ATP8B4: variants seen among roughly 807,000 people sequenced by gnomAD.
ATP8B4 encodes probable phospholipid-transporting ATPase IM.
In ATP8B4, 133 loss-of-function variants were observed where a neutral mutation model predicts 145.6. The ratio of observed to expected loss-of-function variants is 0.91; its 90% CI spans 0.79 to 1.05. The LOEUF is 1.05. Among genes scored for constraint, ATP8B4 ranks in the 50% least tolerant of loss-of-function variants. The probability of loss-of-function intolerance (pLI) is 0.00; values close to 1 mark genes in which losing one functional copy is unlikely to be tolerated. For missense variants in ATP8B4, 1,458 were observed against 1,425.2 expected, an observed-to-expected ratio of 1.02 and a Z score of -0.37; for synonymous variants, 507 against 492.9, an observed-to-expected ratio of 1.03 and a Z score of -0.38.
At chr15:50,084,788 C>T (rs1388954619) in intron 2 of ATP8B4, among the ~76,000 whole-genome samples, 1 of 152,270 alleles carries the variant, frequency 6.6e-6, no homozygotes, top group Non-Finnish European at 1.5e-5. Flanking sequence ...TGGCCCACAG[C>T]AGTCCAACCT....
At chr15:50,167,772 A>G (rs2044615438) in intron 1 of ATP8B4, among the ~76,000 whole-genome samples, 1 of 152,214 alleles carries the variant, frequency 6.6e-6, no homozygotes, top group Non-Finnish European at 1.5e-5. Flanking sequence ...CCTGAGTTTC[A>G]ATTCCCTTAC....
intron 5 of ATP8B4, among the ~76,000 whole-genome samples, chr15:50,042,846 CA>C (rs1725107183): frequency 6.6e-6 from 1 of 151,806 alleles, no homozygotes; most frequent in Non-Finnish European, 1.5e-5. Context: ...GATGGAATCA[CA>C]AAAAACACTC....
At chr15:50,092,247 A>G (rs2055658656) in intron 2 of ATP8B4, among the ~76,000 whole-genome samples, 3 of 152,148 alleles carry the variant, frequency 2.0e-5, no homozygotes, top group South Asian at 4.1e-4. Context: ...GGATCAAGAC[A>G]ATCTGCTCCT....
chr15:50,169,107 G>A (rs956900387), intron 1 of ATP8B4, among the ~76,000 whole-genome samples: 2 of 152,160 alleles, frequency 1.3e-5, no homozygotes, highest in African/African-American at 4.8e-5. Flanking sequence ...TCTGGTAGTG[G>A]AAGAAAAACG....
intron 6 of ATP8B4, among the ~76,000 whole-genome samples, chr15:50,037,772 C>A (rs575381938): frequency 6.6e-6 from 1 of 152,294 alleles, no homozygotes; most frequent in East Asian, 1.9e-4. Context: ...ATGGTTTTAA[C>A]TTAAGATCAT....
At chr15:50,091,030 T>A (rs2055577052) in intron 2 of ATP8B4, among the ~76,000 whole-genome samples, 2 of 152,138 alleles carry the variant, frequency 1.3e-5, no homozygotes, top group African/African-American at 4.8e-5. Flanking sequence ...TAGGTGCTTT[T>A]AAAAAAAAGA....
intron 6 of ATP8B4, among the ~76,000 whole-genome samples, chr15:50,028,628 C>T (rs2050187706): frequency 6.6e-6 from 1 of 152,144 alleles, no homozygotes; most frequent in Non-Finnish European, 1.5e-5. Flanking sequence ...TATCCTGTAC[C>T]ATATACATAT....
At chr15:50,011,611 T>C (rs552595323) in intron 6 of ATP8B4, among the ~76,000 whole-genome samples, 3 of 152,166 alleles carry the variant, frequency 2.0e-5, no homozygotes, top group Non-Finnish European at 2.9e-5. Context: ...AAGGGGTTTA[T>C]TATGAAAAGC....
chr15:50,041,294 T>C (rs758270148), intron 5 of ATP8B4, among the ~76,000 whole-genome samples: 5 of 152,254 alleles, frequency 3.3e-5, no homozygotes, highest in Admixed American at 6.5e-5. Flanking sequence ...CTGGAGCTCA[T>C]AGCCCGTTCC....
At chr15:50,030,984 C>T (rs931816641) in intron 6 of ATP8B4, among the ~76,000 whole-genome samples, 4 of 152,204 alleles carry the variant, frequency 2.6e-5, no homozygotes, top group African/African-American at 9.7e-5. Flanking sequence ...CAAAGGAACC[C>T]TTCCATCTGC....
intron 3 of ATP8B4, among the ~76,000 whole-genome samples, chr15:50,050,890 G>C (rs1485166675): frequency 1.3e-5 from 2 of 152,122 alleles, no homozygotes; most frequent in Non-Finnish European, 2.9e-5. Context: ...AATATGCCCA[G>C]AATAATATTT....
chr15:50,018,491 A>T (rs1229012550), intron 6 of ATP8B4, among the ~76,000 whole-genome samples: 1 of 152,216 alleles, frequency 6.6e-6, no homozygotes, highest in Non-Finnish European at 1.5e-5. Context: ...TGGCTCTTAA[A>T]TAACCACAAC....
chr15:50,123,591 A>G (rs1286118201), upstream of ATP8B4, among the ~76,000 whole-genome samples: 1 of 152,128 alleles, frequency 6.6e-6, no homozygotes, highest in African/African-American at 2.4e-5. Context: ...CCCTACCCAC[A>G]AAATTATCCT....
At position 49,911,511 on chromosome 15, in the gene ATP8B4, C is replaced by A. The variant is rs183550120; in HGVS notation, c.2141+5423G>T. Among the ~76,000 whole-genome samples, 463 of 152,008 alleles carry A rather than the reference C, an allele frequency of 3.0e-3. 1 individual carries two copies. The highest frequency in any genetic ancestry group is 0.011 in the African/African-American group (451 of 41,464). On this transcript the variant is annotated intron_variant, in intron 20 of 27. Coordinates refer to ENST00000284509, the MANE Select transcript of ATP8B4 (RefSeq NM_024837.4). The stretch of plus-strand genomic sequence containing the variant: ...TTACAATTCTAAATATATATTCACC[C>A]AACACTGAAGTACCCAGATATATAA...
chr15:50,149,300 T>G (rs911405380), intron 1 of ATP8B4, among the ~76,000 whole-genome samples: 1 of 152,204 alleles, frequency 6.6e-6, no homozygotes, highest in Non-Finnish European at 1.5e-5. Flanking sequence ...GAGTAAGCTA[T>G]AGGCCAGAAG....
chr15:50,104,719 C>T (rs1392282033), intron 2 of ATP8B4, among the ~76,000 whole-genome samples: 1 of 152,084 alleles, frequency 6.6e-6, no homozygotes, highest in African/African-American at 2.4e-5. Flanking sequence ...AATCCCACTC[C>T]TGGGTATCTA....
At chr15:50,040,158 T>C (rs1282890527) in intron 5 of ATP8B4, among the ~76,000 whole-genome samples, 1 of 152,228 alleles carries the variant, frequency 6.6e-6, no homozygotes, top group Non-Finnish European at 1.5e-5. Context: ...CCCTGCCCTG[T>C]GGCTTCTGGT....
intron 6 of ATP8B4, among the ~76,000 whole-genome samples, chr15:50,035,494 A>G (rs2050766309): frequency 6.6e-6 from 1 of 152,204 alleles, no homozygotes; most frequent in South Asian, 2.1e-4. Flanking sequence ...CTTACCTGCC[A>G]TGAAACCCTG....
intron 2 of ATP8B4, among the ~76,000 whole-genome samples, chr15:50,093,612 A>G (rs563256345): frequency 2.1e-4 from 32 of 152,194 alleles, no homozygotes; most frequent in African/African-American, 7.7e-4. Context: ...AATAACAACA[A>G]ATATTAAGAT....
Sources: allele counts gnomAD v4.1 joint callset (sites outside exome capture counted in the v4.1 genomes callset), GRCh38; gene constraint gnomAD v4.1.1; transcripts MANE v1.5; gene names NCBI Gene and HGNC (gene_info 2026-07-23, HGNC 2026-07-21).